Variants in BRD8 observed in about 807,000 individuals in gnomAD.
The protein encoded by BRD8 is bromodomain containing 8.
In BRD8, 67 loss-of-function variants were observed where a neutral mutation model predicts 143.1. That is an observed-to-expected ratio of 0.47 (90% CI 0.38 to 0.57). BRD8 has a LOEUF of 0.57. BRD8 is among the 20% of genes least tolerant of loss of function. The probability of loss-of-function intolerance (pLI) is 0.00; values close to 1 mark genes in which losing one functional copy is unlikely to be tolerated. For missense variants in BRD8, 1,103 were observed against 1,503.0 expected, an observed-to-expected ratio of 0.73 and a Z score of 4.40; for synonymous variants, 505 against 517.1, an observed-to-expected ratio of 0.98 and a Z score of 0.32.
At chr5:138,177,497 T>C in intron 2 of BRD8, 74 bp downstream of exon 2, 1 of 897,670 alleles carries the variant, frequency 1.1e-6, no homozygotes, top group Non-Finnish European at 1.8e-6. Context: ...TGATTAACTA[T>C]AGAAATCTAC....
At position 138,164,975 on chromosome 5, in the gene BRD8, C is replaced by G. The variant is rs766205611; in HGVS notation, c.1470G>C (p.Thr490=). ...CCAGTTCATGTATTCCCTTGTTTTC[C>G]GTTTCCTCAAAGTCCAGTCTCTCTT... is the stretch of plus-strand genomic sequence containing the variant. ...VKQERLDFEE[T]ENKGIHELVD... is the part of the protein sequence containing the mutation. Residue 490 remains threonine (T), a synonymous_variant, in exon 12 of 27, where the codon ACG becomes ACC. Coordinates refer to ENST00000254900, the MANE Select transcript of BRD8 (RefSeq NM_139199.2). The G allele has an allele frequency of 6.2e-6, 10 of 1,614,152 alleles. No homozygotes were observed. The highest frequency in any genetic ancestry group is 5.1e-6 in the Non-Finnish European group (6 of 1,180,008).
At chr5:138,156,581 C>T (rs1752609866) in intron 20 of BRD8, among the ~76,000 whole-genome samples, 1 of 152,158 alleles carries the variant, frequency 6.6e-6, no homozygotes. Flanking sequence ...TATGTCCATG[C>T]TCTAATCTTC....
intron 22 of BRD8, 29 bp downstream of exon 22, chr5:138,150,716 A>G: frequency 1.3e-6 from 2 of 1,578,296 alleles, no homozygotes; most frequent in Non-Finnish European, 1.7e-6. Flanking sequence ...GAAGACCAAC[A>G]AGACAGCTGA....
chr5:138,156,933 G>GC, intron 20 of BRD8: 1 of 1,209,088 alleles, frequency 8.3e-7, no homozygotes, highest in Non-Finnish European at 1.0e-6. Flanking sequence ...ACTGGTGGTT[G>GC]TTTTTTTTAA....
chr5:138,151,811 A>G (rs1452573963), intron 21 of BRD8, among the ~76,000 whole-genome samples: 2 of 149,374 alleles, frequency 1.3e-5, no homozygotes, highest in African/African-American at 4.9e-5. Context: ...TTACAGGCAC[A>G]TGCCACCAAG....
intron 2 of BRD8, among the ~76,000 whole-genome samples, chr5:138,173,266 C>T (rs368604937): frequency 1.3e-5 from 2 of 151,892 alleles, no homozygotes; most frequent in East Asian, 1.9e-4. Flanking sequence ...GGCATGGTGG[C>T]GTGCACCTTT....
In BRD8 at chr5:138,161,835, G is replaced by T. The variant is rs1287635190; in HGVS notation, c.2210C>A (p.Thr737Lys). 1 of 1,614,166 alleles carries T rather than the reference G, an allele frequency of 6.2e-7. No homozygotes were observed. Among genetic ancestry groups the T allele is most frequent in the Non-Finnish European group, 8.5e-7 (1 of 1,180,014 alleles). The change falls in exon 17 of 27, where the codon ACA becomes AAA. Residue 737 changes from threonine (T) to lysine (K), a missense_variant. Coordinates refer to ENST00000254900, the MANE Select transcript of BRD8 (RefSeq NM_139199.2). ...RYANVFLQPV[T>K]DDIAPGYHSI... ...GTGGTAGCCAGGTGCTATGTCATCT[G>T]TAACAGGCTGCAGGAAGACATTGGC...
At chr5:138,153,837 C>T (rs533634340) in intron 20 of BRD8, among the ~76,000 whole-genome samples, 43 of 151,972 alleles carry the variant, frequency 2.8e-4, no homozygotes, top group Admixed American at 7.9e-4. Flanking sequence ...CCACCATGCC[C>T]GGCTAATTTT....
intron 24 of BRD8, 93 bp downstream of exon 24, chr5:138,145,696 G>C: frequency 9.0e-7 from 1 of 1,108,464 alleles, no homozygotes; most frequent in South Asian, 1.3e-5. Context: ...TGGCTCATTT[G>C]AGGGATGAAC....
Position 138,140,705 on chromosome 5 carries a change from C to G in BRD8, c.3615G>C (p.Gln1205His). The part of the protein sequence containing the change: ...EMRQEVLEQI[Q>H]VLNIWLDKRK... ...GGCTACAGGTATCTGCATACAGTAC[C>G]TGAATCTGCTCCAGGACTTCTTGCC... The change falls in exon 26 of 27, where the codon CAG becomes CAC. Residue 1205 changes from glutamine to histidine, a missense_variant and splice_region_variant. This residue lies in a region of BRD8 where 369 missense variants were observed against 445.5 expected (regional missense o/e 0.83). Transcript: ENST00000254900. The G allele has an allele frequency of 1.2e-6, 2 of 1,613,834 alleles. No individual in the cohort carries two copies. Among genetic ancestry groups the G allele is most frequent in the Non-Finnish European group, 1.7e-6 (2 of 1,179,740 alleles).
rs143953478 is a variant in BRD8 at position 138,160,190 on chromosome 5, C to T, written c.2428-17G>A. 1,222 of 1,592,548 alleles carry T rather than the reference C, an allele frequency of 7.7e-4. 9 individuals carry two copies. In the African/African-American group the frequency reaches 0.013, roughly 17 times the overall value. Reference sequence around the variant, plus strand: ...CAAGAATTGCTGTAGGGAGAAGAAACAGGGTAGGCCATGGAGACCTGATTT... The same window carrying T: ...CAAGAATTGCTGTAGGGAGAAGAAATAGGGTAGGCCATGGAGACCTGATTT... On this transcript the variant is annotated splice_polypyrimidine_tract_variant and intron_variant, in intron 18 of 26. Transcript: ENST00000254900.
At chr5:138,167,206 T>A (rs903277733) in intron 9 of BRD8, among the ~76,000 whole-genome samples, 2 of 150,966 alleles carry the variant, frequency 1.3e-5, no homozygotes, top group Admixed American at 1.3e-4. Context: ...AGGTGGAGAT[T>A]GCAGTGAGCC....
At chr5:138,160,673 A>G (rs1752936899) in intron 18 of BRD8, among the ~76,000 whole-genome samples, 1 of 152,242 alleles carries the variant, frequency 6.6e-6, no homozygotes, top group Non-Finnish European at 1.5e-5. Context: ...ACTTTATGAA[A>G]CTGCAAATAA....
intron 20 of BRD8, chr5:138,157,047 G>C (rs1033947323): frequency 1.1e-5 from 16 of 1,485,396 alleles, no homozygotes; most frequent in Non-Finnish European, 1.3e-5. Context: ...ACAGGCAATT[G>C]TGCTACTCCA....
chr5:138,148,981 C>T (rs1316091029), intron 23 of BRD8, among the ~76,000 whole-genome samples: 3 of 151,702 alleles, frequency 2.0e-5, no homozygotes, highest in Admixed American at 6.6e-5. Context: ...TGGGAGGATC[C>T]CTTGAGTTCA....
intron 23 of BRD8, among the ~76,000 whole-genome samples, chr5:138,147,250 A>G (rs1752190290): frequency 6.6e-6 from 1 of 150,784 alleles, no homozygotes; most frequent in South Asian, 2.1e-4. Context: ...TTGGGCAACA[A>G]AGCAAGACCC....
At chr5:138,156,703 C>T (rs556207396) in intron 20 of BRD8, among the ~76,000 whole-genome samples, 1 of 152,218 alleles carries the variant, frequency 6.6e-6, no homozygotes, top group Non-Finnish European at 1.5e-5. Context: ...GGTATATTAA[C>T]TATAAACTCA....
intron 20 of BRD8, among the ~76,000 whole-genome samples, chr5:138,155,204 T>C (rs1043315471): frequency 6.6e-6 from 1 of 150,718 alleles, no homozygotes; most frequent in African/African-American, 2.4e-5. Context: ...CCTAGCACTT[T>C]GGGAGGCCGA....
At chr5:138,155,126 C>T (rs1209035705) in intron 20 of BRD8, among the ~76,000 whole-genome samples, 4 of 148,240 alleles carry the variant, frequency 2.7e-5, no homozygotes, top group Admixed American at 1.4e-4. Context: ...CCACGGTGCC[C>T]GGCACTATTT....
Sources: allele counts gnomAD v4.1 joint callset (sites outside exome capture counted in the v4.1 genomes callset), GRCh38; gene constraint gnomAD v4.1.1; regional missense constraint gnomAD v4.1.1; transcripts MANE v1.5; gene names NCBI Gene and HGNC (gene_info 2026-07-23, HGNC 2026-07-21).